The following TCEANC variants were observed in gnomAD, a reference collection of about 807,000 sequenced individuals.
TCEANC encodes transcription elongation factor A N-terminal and central domain-containing protein.
In TCEANC, 8 loss-of-function variants were observed where a neutral mutation model predicts 8.7. That is an observed-to-expected ratio of 0.92 (90% CI 0.54 to 1.65). The LOEUF (loss-of-function observed/expected upper bound fraction) is 1.65. TCEANC is among the 40% of genes most tolerant of loss of function. The pLI is 0.00. For missense variants in TCEANC, 255 were observed against 251.9 expected (o/e 1.01, Z -0.08); for synonymous variants, 78 against 92.9 (o/e 0.84, Z 0.92).
chrX:13,662,449 G>A, intron 1 of TCEANC, 52 bp from the exon 5 acceptor site: 1 of 1,102,778 alleles, frequency 9.1e-7, no homozygotes, highest in Non-Finnish European at 1.2e-6. Context: ...TCCAGAAGCT[G>A]CGACTAGCAA....
At chrX:13,657,427 A>G (rs897980107) in intron 1 of TCEANC, among the ~76,000 whole-genome samples, 2 of 112,677 alleles carry the variant, frequency 1.8e-5, no homozygotes, top group Non-Finnish European at 3.7e-5. Flanking sequence ...TAAGTGAAAA[A>G]AAATCAAGAT....
chrX:13,659,908 A>ATT (rs1334373036), intron 1 of TCEANC, 140 bp downstream of exon 3: 1 of 112,236 alleles, frequency 8.9e-6, no homozygotes, highest in Admixed American at 9.4e-5. Flanking sequence ...TGCAGGTGTG[A>ATT]GCCACCACGC....
upstream of TCEANC, among the ~76,000 whole-genome samples, chrX:13,653,513 C>A (rs1303477941): frequency 3.6e-5 from 4 of 111,715 alleles, no homozygotes; most frequent in Non-Finnish European, 7.5e-5. Context: ...CCCTTCCTCT[C>A]GCTGCACCTT....
At chrX:13,663,608 T>A in exon 2 of TCEANC, 1 of 1,025,572 alleles carries the variant, frequency 9.8e-7, no homozygotes. Context: ...AGTGATACCT[T>A]TTATTTGTAC....
intron 1 of TCEANC, among the ~76,000 whole-genome samples, chrX:13,657,154 A>G (rs926627076): frequency 1.6e-4 from 18 of 112,453 alleles, no homozygotes; most frequent in Non-Finnish European, 3.2e-4. Context: ...AATTCACACA[A>G]TCTTCCCAGA....
At chrX:13,662,182 T>C (rs1179452220) in intron 1 of TCEANC, among the ~76,000 whole-genome samples, 1 of 111,762 alleles carries the variant, frequency 8.9e-6, no homozygotes, top group Non-Finnish European at 1.9e-5. Context: ...GATTGACTAA[T>C]CTAGAAAGAT....
intron 1 of TCEANC, among the ~76,000 whole-genome samples, chrX:13,660,493 A>G (rs752261875): frequency 4.5e-5 from 5 of 111,664 alleles, no homozygotes; most frequent in South Asian, 7.5e-4. Flanking sequence ...CAACTGATCT[A>G]TTTTCTGTCT....
rs183507938 is a variant in TCEANC, at chrX:13,663,471, G to A, written c.963G>A (p.Val321=). The change falls in exon 2 of 2, where the codon GTG becomes GTA. Residue 321 remains valine, a synonymous_variant. Transcript: ENST00000380600. ...GAACACTTTTCCTTCCCAGCTGGGT[G>A]CGGAATTCAAACCCAGATGAACAAA... The A allele has an allele frequency of 6.1e-4, 719 of 1,176,210 alleles. 1 individual carries two copies. The highest frequency in any genetic ancestry group is 5.6e-3 in the African/African-American group (314 of 56,450).
chrX:13,657,807 CAAA>C (rs34205512), intron 1 of TCEANC, among the ~76,000 whole-genome samples: 28 of 68,847 alleles, frequency 4.1e-4, no homozygotes, highest in African/African-American at 1.2e-3. Context: ...GACTCCATCT[CAAA>C]AAAAAAAAAA....
chrX:13,656,617 A>G (rs1046028937), intron 1 of TCEANC, among the ~76,000 whole-genome samples: 2 of 112,882 alleles, frequency 1.8e-5, no homozygotes, highest in Middle Eastern at 4.6e-3. Context: ...TGAAGAATTG[A>G]AAGCAGGGTC....
At position 13,664,518 on chromosome X, in the gene TCEANC, G is replaced by A. The variant is rs561563100; in HGVS notation, c.*954G>A. 21 of 123,009 alleles carry A rather than the reference G, an allele frequency of 1.7e-4. No homozygotes were observed. In the South Asian group the frequency reaches 3.7e-3, roughly 22 times the overall value. 10.1% of individuals were successfully genotyped at this position (123,009 alleles called of 1,213,427 possible). On this transcript the variant is annotated 3_prime_UTR_variant, in exon 2 of 2. Transcript: ENST00000380600. ...CCTCTTGCTTAGTTGAAGGAGTTTC[G>A]TAGTTGTTTTTTGTTTTTGTTTTTG...
exon 2 of TCEANC, chrX:13,663,810 C>G (rs1459537600): frequency 3.4e-6 from 1 of 298,353 alleles, no homozygotes; most frequent in East Asian, 5.3e-5. Context: ...TGGGTGAGAA[C>G]AGCCCAGCAT....
At chrX:13,656,663 T>C (rs2045926243) in intron 1 of TCEANC, among the ~76,000 whole-genome samples, 1 of 112,973 alleles carries the variant, frequency 8.9e-6, no homozygotes, top group Non-Finnish European at 1.9e-5. Context: ...CTCACAGCAG[T>C]GTTATTCACA....
intron 1 of TCEANC, among the ~76,000 whole-genome samples, chrX:13,659,969 A>C (rs2045954703): frequency 8.9e-6 from 1 of 111,829 alleles, no homozygotes; most frequent in Non-Finnish European, 1.9e-5. Context: ...TGTTATGTAC[A>C]TTCTCGTTCC....
At chrX:13,654,156 CTA>C (rs1367431186), upstream of TCEANC, among the ~76,000 whole-genome samples, 2 of 112,865 alleles carry the variant, frequency 1.8e-5, no homozygotes, top group Non-Finnish European at 3.7e-5. Flanking sequence ...GTTGAAATGA[CTA>C]TTCTGGATAC....
upstream of TCEANC, among the ~76,000 whole-genome samples, chrX:13,655,038 C>A (rs183478600): frequency 1.3e-4 from 14 of 110,955 alleles, no homozygotes; most frequent in African/African-American, 4.6e-4. Context: ...AGAGAGAGAG[C>A]ATCCTGGATG....
chrX:13,658,428 G>T (rs906469820), intron 1 of TCEANC, among the ~76,000 whole-genome samples: 3 of 111,478 alleles, frequency 2.7e-5, no homozygotes, highest in Non-Finnish European at 5.7e-5. Flanking sequence ...TTTAAAGAGG[G>T]GCATTTTCTG....
upstream of TCEANC, among the ~76,000 whole-genome samples, chrX:13,654,944 G>A (rs1412910470): frequency 9.0e-6 from 1 of 110,971 alleles, no homozygotes; most frequent in East Asian, 2.8e-4. Context: ...TCCTACGAAA[G>A]AAGCCAAGGG....
chrX:13,654,234 A>T (rs988942602), upstream of TCEANC, among the ~76,000 whole-genome samples: 1 of 112,988 alleles, frequency 8.9e-6, no homozygotes, highest in Admixed American at 9.3e-5. Context: ...CTACTGGAAA[A>T]TTTTAAATCA....
Sources: allele counts gnomAD v4.1 joint callset (sites outside exome capture counted in the v4.1 genomes callset), GRCh38; gene constraint gnomAD v4.1.1; transcripts MANE v1.5; gene names NCBI Gene and HGNC (gene_info 2026-07-23, HGNC 2026-07-21).